NLRP14: variants seen among roughly 807,000 people sequenced by gnomAD.
NLRP14 encodes the protein NLR family pyrin domain containing 14.
NLRP14 carries 105 observed loss-of-function variants against 94.7 expected under a neutral mutation model. The observed-to-expected ratio is 1.11, with a 90% CI of 0.95 to 1.30. The LOEUF (loss-of-function observed/expected upper bound fraction) is 1.30. Ranked by LOEUF, NLRP14 falls within the 50% of genes most tolerant of loss-of-function variation. The pLI is 0.00. For missense variants in NLRP14, 1,362 were observed against 1,254.1 expected (o/e 1.09, Z -1.30); for synonymous variants, 508 against 459.9 (o/e 1.10, Z -1.34).
At chr11:7,045,203 C>T (rs1852330149) in intron 4 of NLRP14, among the ~76,000 whole-genome samples, 1 of 152,176 alleles carries the variant, frequency 6.6e-6, no homozygotes, top group African/African-American at 2.4e-5. Flanking sequence ...GACCTTTACC[C>T]ACCTTGGAAA....
intron 1 of NLRP14, among the ~76,000 whole-genome samples, chr11:7,028,390 C>G (rs749201854): frequency 2.0e-5 from 3 of 152,186 alleles, no homozygotes; most frequent in Non-Finnish European, 4.4e-5. Context: ...TGACTACTTT[C>G]AGCACCACGA....
chr11:7,024,706 A>G (rs1272359467), intron 1 of NLRP14, among the ~76,000 whole-genome samples: 2 of 152,218 alleles, frequency 1.3e-5, no homozygotes, highest in Non-Finnish European at 1.5e-5. Context: ...ATTTTTATAA[A>G]TATCTCTAAT....
At chr11:7,058,205 G>A in intron 7 of NLRP14, 75 bp from the exon 8 acceptor site, 1 of 1,288,990 alleles carries the variant, frequency 7.8e-7, no homozygotes, top group Non-Finnish European at 1.1e-6. Flanking sequence ...AAGTGCCACT[G>A]ATTTCCCTGT....
chr11:7,068,209 A>G (rs2119714146), intron 10 of NLRP14, among the ~76,000 whole-genome samples: 1 of 152,128 alleles, frequency 6.6e-6, no homozygotes, highest in East Asian at 1.9e-4. Context: ...GTACATCTAC[A>G]TTCTATTTCA....
At position 7,049,700 on chromosome 11, in the gene NLRP14, G is replaced by A. The variant is rs556453140; in HGVS notation, c.2153G>A (p.Cys718Tyr). 5.0e-6 allele frequency: 8 copies of A among 1,612,692 alleles called. No individual in the cohort carries two copies. In the African/African-American group the frequency reaches 1.1e-4, roughly 22 times the overall value. Reference protein sequence around the residue: ...LLKFITFPDGCQDISTSLIHN... With the variant: ...LLKFITFPDGYQDISTSLIHN... ...AAATTTATCACTTTCCCTGATGGTTGTCAGGATATCTCTACTTCTTTGATT... is the reference window on the plus strand; with the variant it reads ...AAATTTATCACTTTCCCTGATGGTTATCAGGATATCTCTACTTCTTTGATT... Residue 718 changes from cysteine (C) to tyrosine (Y), a missense_variant, in exon 6 of 12, where the codon TGT becomes TAT. By Grantham distance (194) the Cys-to-Tyr change is radical. Transcript: ENST00000299481.
In NLRP14 at chr11:7,043,468, T is replaced by A. The variant is rs1175753136; in HGVS notation, c.1442T>A (p.Leu481His). 3 of 1,614,212 alleles carry A rather than the reference T, an allele frequency of 1.9e-6. No individual in the cohort carries two copies. Among genetic ancestry groups the A allele is most frequent in the Non-Finnish European group, 2.5e-6 (3 of 1,180,032 alleles). Residue 481 changes from leucine to histidine, a missense_variant, in exon 4 of 12, where the codon CTT (leucine) becomes CAT (histidine). By Grantham distance (99) the Leu-to-His change is moderately conservative (BLOSUM62 -3). Coordinates refer to ENST00000299481, the MANE Select transcript of NLRP14 (RefSeq NM_176822.4). The part of the protein sequence containing the change: ...EYENCYVFTH[L>H]HVQEFFAAMF... ...GAAAACTGCTATGTGTTCACCCACC[T>A]TCATGTTCAGGAGTTTTTTGCAGCT...
chr11:7,032,837 A>G (rs755332773), intron 1 of NLRP14, among the ~76,000 whole-genome samples: 2 of 152,178 alleles, frequency 1.3e-5, no homozygotes, highest in African/African-American at 2.4e-5. Context: ...GTGAACTGTA[A>G]CTCATAAAAG....
chr11:7,083,629 A>T, the NLRP14 span, among the ~76,000 whole-genome samples: 1 of 152,178 alleles, frequency 6.6e-6, no homozygotes, highest in Non-Finnish European at 1.5e-5. Flanking sequence ...AAGGCAAAAC[A>T]GTTTTTAGTG....
the NLRP14 span, among the ~76,000 whole-genome samples, chr11:7,085,696 G>A: frequency 6.6e-6 from 1 of 152,140 alleles, no homozygotes; most frequent in Admixed American, 6.5e-5. Flanking sequence ...CATATAACCT[G>A]TACATATTCT....
chr11:7,067,536 G>C lies in NLRP14; in HGVS notation c.2976-2750G>C, dbSNP rs370193829. Among the ~76,000 whole-genome samples, 6 of 152,212 alleles carry C rather than the reference G, an allele frequency of 3.9e-5. No individual in the cohort carries two copies. The East Asian group carries it at 1.2e-3, about 29-fold the overall frequency. On this transcript the variant is annotated intron_variant, in intron 10 of 11. Coordinates refer to ENST00000299481, the MANE Select transcript of NLRP14 (RefSeq NM_176822.4). ...GTGTATATGAATGCTTGTGATTTTT[G>C]CACATTGATTTTGTATCCTGAGACT... is the stretch of plus-strand genomic sequence containing the variant.
At chr11:7,073,882 A>C (rs1187240467), downstream of NLRP14, among the ~76,000 whole-genome samples, 1 of 152,154 alleles carries the variant, frequency 6.6e-6, no homozygotes, top group Non-Finnish European at 1.5e-5. Context: ...TGGAAGCTTC[A>C]TTAGGTAGGC....
chr11:7,031,098 G>A (rs769113326), intron 1 of NLRP14, among the ~76,000 whole-genome samples: 7 of 152,198 alleles, frequency 4.6e-5, no homozygotes, highest in Non-Finnish European at 8.8e-5. Context: ...AGGAAGGTGA[G>A]GCATTAAGGG....
chr11:7,065,975 T>A (rs1018085620), intron 10 of NLRP14, among the ~76,000 whole-genome samples: 2 of 152,168 alleles, frequency 1.3e-5, no homozygotes, highest in Non-Finnish European at 2.9e-5. Flanking sequence ...TTTCTGTTCT[T>A]GTGTTAGTTT....
At chr11:7,041,096 A>T (rs1485488867) in intron 3 of NLRP14, among the ~76,000 whole-genome samples, 1 of 152,200 alleles carries the variant, frequency 6.6e-6, no homozygotes, top group Non-Finnish European at 1.5e-5. Flanking sequence ...CTCTGTGAGT[A>T]TACCAATATC....
At chr11:7,081,623 C>A in the NLRP14 span, among the ~76,000 whole-genome samples, 2 of 152,054 alleles carry the variant, frequency 1.3e-5, no homozygotes, top group African/African-American at 4.8e-5. Context: ...GTGCTCTATA[C>A]ACTTGTGATT....
chr11:7,086,302 C>T, the NLRP14 span, among the ~76,000 whole-genome samples: 6,313 of 152,038 alleles, frequency 0.042, 367 homozygotes, highest in African/African-American at 0.13. Flanking sequence ...AATTAATGTC[C>T]GAGATTGAGC....
chr11:7,090,313 T>A, the NLRP14 span: 1 of 1,578,396 alleles, frequency 6.3e-7, no homozygotes, highest in African/African-American at 1.3e-5. Context: ...GGAACAGACT[T>A]GGGACCAAAA....
In NLRP14 at chr11:7,067,301, C is replaced by T. The variant is rs1048351309; in HGVS notation, c.2976-2985C>T. Among the ~76,000 whole-genome samples the T allele has an allele frequency of 2.0e-5, 3 of 152,142 alleles. No individual in the cohort carries two copies. In the South Asian group the frequency reaches 6.2e-4, roughly 31 times the overall value. On this transcript the variant is annotated intron_variant, in intron 10 of 11. Coordinates refer to ENST00000299481, the MANE Select transcript of NLRP14 (RefSeq NM_176822.4). ...TATAAATTACTTTGAGCAGTATGGC[C>T]ATTTTCATGATACTGATTCTTCCTA...
intron 6 of NLRP14, among the ~76,000 whole-genome samples, chr11:7,057,343 A>G (rs1165206880): frequency 6.6e-6 from 1 of 152,038 alleles, no homozygotes; most frequent in Non-Finnish European, 1.5e-5. Context: ...GAATACAGTC[A>G]TCCTTCACGC....
Sources: gnomAD v4.1 joint callset for allele counts (sites outside exome capture counted in the v4.1 genomes callset) on GRCh38, gnomAD v4.1.1 for gene constraint, MANE v1.5 for transcripts, NCBI Gene and HGNC (gene_info 2026-07-23, HGNC 2026-07-21) for gene names.